The following CNTNAP5 variants were observed in gnomAD, a reference collection of about 807,000 sequenced individuals.
CNTNAP5 encodes the protein contactin associated protein family member 5.
Under a neutral mutation model 150.2 loss-of-function variants are expected in CNTNAP5, and 72 were observed. The observed-to-expected ratio is 0.48, with a 90% CI of 0.40 to 0.58. The LOEUF is 0.58. Among genes scored for constraint, CNTNAP5 ranks in the 20% least tolerant of loss-of-function variants. The probability of loss-of-function intolerance (pLI) is 0.00; values close to 1 mark genes in which losing one functional copy is unlikely to be tolerated. For missense variants in CNTNAP5, 1,636 were observed against 1,626.2 expected (o/e 1.01, Z -0.10); for synonymous variants, 672 against 619.8 (o/e 1.08, Z -1.25).
chr2:124,859,165 A>G (rs978570355), intron 19 of CNTNAP5, among the ~76,000 whole-genome samples: 17 of 152,158 alleles, frequency 1.1e-4, no homozygotes, highest in Admixed American at 2.0e-4. Flanking sequence ...CTCATCTGAC[A>G]AAGGGCTAAT....
At chr2:124,647,719 T>G (rs1193285466) in intron 12 of CNTNAP5, 39 bp from the exon 13 acceptor site, 1 of 1,532,916 alleles carries the variant, frequency 6.5e-7, no homozygotes, top group East Asian at 2.3e-5. Flanking sequence ...TTGACATTGC[T>G]TCTAACGTCT....
chr2:124,811,783 A>C (rs1356940776), intron 19 of CNTNAP5, among the ~76,000 whole-genome samples: 1 of 149,864 alleles, frequency 6.7e-6, no homozygotes, highest in Non-Finnish European at 1.5e-5. Flanking sequence ...TGTACTAAAA[A>C]TACAAAAAGT....
chr2:124,197,903 C>T (rs903945337), intron 1 of CNTNAP5, among the ~76,000 whole-genome samples: 4 of 151,946 alleles, frequency 2.6e-5, no homozygotes, highest in African/African-American at 9.7e-5. Flanking sequence ...ATGGCGTGAA[C>T]CCGGGAAGCG....
intron 3 of CNTNAP5, among the ~76,000 whole-genome samples, chr2:124,252,986 ATG>A (rs1687224545): frequency 6.6e-6 from 1 of 151,844 alleles, no homozygotes; most frequent in South Asian, 2.1e-4. Flanking sequence ...ATACATCTGT[ATG>A]TGTATATATA....
At chr2:124,345,950 T>G (rs1434049211) in intron 3 of CNTNAP5, among the ~76,000 whole-genome samples, 1 of 152,178 alleles carries the variant, frequency 6.6e-6, no homozygotes, top group Non-Finnish European at 1.5e-5. Flanking sequence ...TTACTTACCA[T>G]AAGACAAGTT....
At chr2:124,872,662 G>T (rs1677776394) in intron 21 of CNTNAP5, among the ~76,000 whole-genome samples, 2 of 151,576 alleles carry the variant, frequency 1.3e-5, no homozygotes, top group Admixed American at 1.3e-4. Flanking sequence ...CGGAAATGTT[G>T]TTACTATTAA....
intron 10 of CNTNAP5, among the ~76,000 whole-genome samples, chr2:124,533,305 TA>T (rs1695153633): frequency 2.0e-5 from 3 of 152,148 alleles, no homozygotes; most frequent in African/African-American, 7.2e-5. Context: ...TTAAATCTTA[TA>T]GGCAAATTGG....
chr2:124,357,463 C>T (rs1690046438), intron 3 of CNTNAP5, among the ~76,000 whole-genome samples: 1 of 151,878 alleles, frequency 6.6e-6, no homozygotes, highest in Admixed American at 6.6e-5. Flanking sequence ...GTCTTTAATC[C>T]ATCTTGAATT....
Position 124,025,320 on chromosome 2 carries a change from G to T in CNTNAP5, c.-331G>T. 6.5e-6 allele frequency: 2 copies of T among 308,438 alleles called. No homozygotes were observed. The highest frequency in any genetic ancestry group is 2.1e-5 in the African/African-American group (1 of 47,142). The allele number at this position is 308,438 out of a possible 1,614,324, so 19.1% of individuals were successfully genotyped here. A position where few individuals can be genotyped will look rare whatever the true frequency, so the allele number is the denominator to read the frequency against. ...CTCTCGCGCCCGACGAGGTGGATTT[G>T]GCTGTCCACCGAGCTCCGGCGCCTG... is the stretch of plus-strand genomic sequence containing the variant. On this transcript the variant is annotated 5_prime_UTR_variant, in exon 1 of 24. Transcript: ENST00000682447.
intron 10 of CNTNAP5, among the ~76,000 whole-genome samples, chr2:124,561,444 C>T (rs1031838889): frequency 3.9e-5 from 6 of 152,032 alleles, no homozygotes; most frequent in African/African-American, 1.4e-4. Context: ...AAGAGAAAAG[C>T]CTGTGGCCTC....
chr2:124,710,554 T>G (rs1679785815), intron 13 of CNTNAP5, among the ~76,000 whole-genome samples: 1 of 152,116 alleles, frequency 6.6e-6, no homozygotes, highest in Non-Finnish European at 1.5e-5. Context: ...CACCACTCCA[T>G]CCAGCAAATG....
At chr2:124,062,328 C>A (rs1292177348) in intron 1 of CNTNAP5, among the ~76,000 whole-genome samples, 1 of 152,248 alleles carries the variant, frequency 6.6e-6, no homozygotes, top group East Asian at 1.9e-4. Flanking sequence ...TTTATTGTAC[C>A]ATTTTCTTTG....
chr2:124,347,384 T>A lies in CNTNAP5; in HGVS notation c.382-70059T>A, dbSNP rs188453855. 1.6e-3 allele frequency among the ~76,000 whole-genome samples: 246 copies of A among 152,286 alleles called. 2 individuals are homozygous for A. Among genetic ancestry groups the A allele is most frequent in the African/African-American group, 5.7e-3 (235 of 41,584 alleles). Reference sequence around the variant, plus strand: ...ACTGAGGGGGCGGGGGCACAAGCCCTCTTTGTTGAGTGGCTAACAGCTCAG... The same window carrying A: ...ACTGAGGGGGCGGGGGCACAAGCCCACTTTGTTGAGTGGCTAACAGCTCAG... On this transcript the variant is annotated intron_variant, in intron 3 of 23. Transcript: ENST00000682447.
chr2:124,138,827 A>C (rs1275253155), intron 1 of CNTNAP5, among the ~76,000 whole-genome samples: 1 of 151,616 alleles, frequency 6.6e-6, no homozygotes. Context: ...CCCTACAAAC[A>C]CACACACACA....
intron 3 of CNTNAP5, among the ~76,000 whole-genome samples, chr2:124,369,744 T>C (rs1690471534): frequency 6.6e-6 from 1 of 152,170 alleles, no homozygotes; most frequent in South Asian, 2.1e-4. Context: ...TATGCATATG[T>C]CACATGTCTG....
chr2:124,091,166 A>C (rs916512431), intron 1 of CNTNAP5, among the ~76,000 whole-genome samples: 3 of 152,092 alleles, frequency 2.0e-5, no homozygotes, highest in African/African-American at 7.2e-5. Flanking sequence ...AACAAATAAG[A>C]CCTCACCTGG....
intron 19 of CNTNAP5, among the ~76,000 whole-genome samples, chr2:124,850,278 A>G (rs1248365080): frequency 2.0e-5 from 3 of 152,212 alleles, no homozygotes; most frequent in African/African-American, 7.2e-5. Context: ...GATGTAATAA[A>G]TTAAGTTAAA....
intron 2 of CNTNAP5, among the ~76,000 whole-genome samples, chr2:124,225,556 A>G (rs901757598): frequency 4.6e-5 from 7 of 152,176 alleles, no homozygotes; most frequent in South Asian, 2.1e-4. Flanking sequence ...ATAGGTATGC[A>G]TTTTGAAATA....
At chr2:124,883,409 G>GA (rs999712417) in intron 21 of CNTNAP5, among the ~76,000 whole-genome samples, 6 of 152,028 alleles carry the variant, frequency 3.9e-5, no homozygotes, top group African/African-American at 1.2e-4. Context: ...GGGAGCTGCA[G>GA]AGGTTACTTT....
Sources: gnomAD v4.1 joint callset for allele counts (sites outside exome capture counted in the v4.1 genomes callset) on GRCh38, gnomAD v4.1.1 for gene constraint, MANE v1.5 for transcripts, NCBI Gene and HGNC (gene_info 2026-07-23, HGNC 2026-07-21) for gene names.